The following LIX1 variants were observed in gnomAD, a reference collection of about 807,000 sequenced individuals.
The protein encoded by LIX1 is limb and CNS expressed 1, also known as protein limb expression 1 homolog.
Under a neutral mutation model 33.4 loss-of-function variants are expected in LIX1, and 24 were observed. The ratio of observed to expected loss-of-function variants is 0.72; its 90% CI spans 0.52 to 1.01. The LOEUF (loss-of-function observed/expected upper bound fraction) is 1.01. Ranked by LOEUF, LIX1 falls within the 50% of genes least tolerant of loss-of-function variation. The pLI, the probability that LIX1 is intolerant of heterozygous loss-of-function variation, is 0.00. For missense variants in LIX1, 311 were observed against 339.2 expected (o/e 0.92, Z 0.65); for synonymous variants, 124 against 124.0 (o/e 1.00, Z 0.00).
intron 2 of LIX1, among the ~76,000 whole-genome samples, chr5:97,110,230 A>G (rs889277098): frequency 2.6e-5 from 4 of 152,230 alleles, no homozygotes; most frequent in Admixed American, 6.5e-5. Context: ...ATGCTTGTAC[A>G]TGGTGAGTGT....
chr5:97,108,832 C>T (rs751433197), intron 2 of LIX1, among the ~76,000 whole-genome samples: 1 of 152,132 alleles, frequency 6.6e-6, no homozygotes, highest in Non-Finnish European at 1.5e-5. Flanking sequence ...ACCCAAAATG[C>T]ATGATTCTCA....
In LIX1 at chr5:97,119,867, A is replaced by AAAAAC. The variant is rs535641632; in HGVS notation, c.246+4594_246+4598dup. ...TTCTCCGGGTAGCAAAAACAAAAAC[A>AAAAAC]AAAACAATAACACTAGAATTTCTTA... On this transcript the variant is annotated intron_variant, in intron 2 of 5. Coordinates refer to ENST00000274382, the MANE Select transcript of LIX1 (RefSeq NM_153234.5). Among the ~76,000 whole-genome samples, 283 of 152,266 alleles carry AAAAAC rather than the reference A, an allele frequency of 1.9e-3. 13 individuals are homozygous for AAAAAC. The South Asian group carries it at 0.056, about 30-fold the overall frequency.
chr5:97,103,971 GAAAA>G (rs36039071), intron 4 of LIX1, among the ~76,000 whole-genome samples: 1 of 107,448 alleles, frequency 9.3e-6, no homozygotes, highest in African/African-American at 3.0e-5. Flanking sequence ...TCTCAAAAAA[GAAAA>G]AAAAAAAAAA....
intron 2 of LIX1, among the ~76,000 whole-genome samples, chr5:97,121,645 T>C (rs1009525005): frequency 6.6e-6 from 1 of 152,204 alleles, no homozygotes; most frequent in Non-Finnish European, 1.5e-5. Flanking sequence ...TAGAGAGAAA[T>C]ATCCTTTCAA....
intron 2 of LIX1, among the ~76,000 whole-genome samples, chr5:97,115,301 GT>G (rs1281900118): frequency 1.3e-5 from 2 of 152,102 alleles, no homozygotes; most frequent in South Asian, 2.1e-4. Context: ...TAAGAAATTA[GT>G]TTTTTTATTA....
At chr5:97,123,065 C>T (rs1172403282) in intron 2 of LIX1, among the ~76,000 whole-genome samples, 3 of 152,180 alleles carry the variant, frequency 2.0e-5, no homozygotes, top group Non-Finnish European at 4.4e-5. Flanking sequence ...ATCCCCTCTT[C>T]TGGTTCTTTG....
intron 1 of LIX1, among the ~76,000 whole-genome samples, chr5:97,133,353 C>T (rs943986459): frequency 6.6e-6 from 1 of 152,222 alleles, no homozygotes; most frequent in African/African-American, 2.4e-5. Context: ...GTGTCTACAT[C>T]ACAGGGGTGC....
Position 97,092,693 on chromosome 5 carries a change from T to C in LIX1, c.*2055A>G, listed in dbSNP as rs571151746. ...TTAACTTGTAGGGCACAAAGTAAAT[T>C]TGATATTGTCCCATCTGATCCCTGT... is the stretch of plus-strand genomic sequence containing the variant. On this transcript the variant is annotated 3_prime_UTR_variant, in exon 6 of 6. Transcript: ENST00000274382. 1.3e-5 allele frequency: 2 copies of C among 152,452 alleles called. No individual in the cohort carries two copies. The highest frequency in any genetic ancestry group is 4.8e-5 in the African/African-American group (2 of 41,558). The allele number at this position is 152,452 out of a possible 1,614,324, so 9.4% of individuals were successfully genotyped here.
At chr5:97,095,340 C>G (rs374391121) in intron 5 of LIX1, among the ~76,000 whole-genome samples, 1 of 152,304 alleles carries the variant, frequency 6.6e-6, no homozygotes. Context: ...AAATACATTC[C>G]TACAACAATT....
intron 2 of LIX1, among the ~76,000 whole-genome samples, chr5:97,116,852 T>G (rs1185627629): frequency 1.3e-5 from 2 of 152,154 alleles, no homozygotes; most frequent in Admixed American, 1.3e-4. Flanking sequence ...AGCAACTCAC[T>G]GAGCTGGTGA....
At chr5:97,095,707 T>G (rs1746339554) in intron 5 of LIX1, among the ~76,000 whole-genome samples, 1 of 152,256 alleles carries the variant, frequency 6.6e-6, no homozygotes, top group South Asian at 2.1e-4. Context: ...AGTTACTGCC[T>G]GTCAATTCTT....
At chr5:97,103,400 C>T (rs1215976055) in intron 4 of LIX1, among the ~76,000 whole-genome samples, 1 of 152,200 alleles carries the variant, frequency 6.6e-6, no homozygotes, top group African/African-American at 2.4e-5. Context: ...ATGCACTCTT[C>T]TGGACTCTAC....
At chr5:97,132,911 A>G (rs554025100) in intron 1 of LIX1, among the ~76,000 whole-genome samples, 5 of 152,334 alleles carry the variant, frequency 3.3e-5, no homozygotes, top group African/African-American at 1.2e-4. Flanking sequence ...GCCTGGAAGG[A>G]GATGAAGCCC....
intron 2 of LIX1, among the ~76,000 whole-genome samples, chr5:97,121,591 T>C (rs1404291814): frequency 1.3e-5 from 2 of 152,212 alleles, no homozygotes; most frequent in African/African-American, 4.8e-5. Flanking sequence ...GGCCATCATA[T>C]TTCATTTTCT....
chr5:97,113,158 A>G (rs944143678), intron 2 of LIX1, among the ~76,000 whole-genome samples: 1 of 152,214 alleles, frequency 6.6e-6, no homozygotes, highest in African/African-American at 2.4e-5. Flanking sequence ...GCAGATAACT[A>G]AAGCCTTCTG....
In LIX1 at chr5:97,105,221, G is replaced by C; in HGVS notation, c.452C>G (p.Ser151Ter). Residue 151 changes from serine (S) to a stop codon, truncating the protein, a stop_gained, in exon 4 of 6, where the codon TCA becomes TGA. Transcript: ENST00000274382. LOFTEE classifies it high-confidence loss of function. Reference protein sequence around the residue: ...SVGAYHYMLESNMGKTMLEFQ... With the variant: ...SVGAYHYMLE ...CTCCAGCATAGTCTTCCCCATGTTT[G>C]ACTCCAGCATGTAGTGATAGGCCCC... 2 of 1,614,094 alleles carry C rather than the reference G, an allele frequency of 1.2e-6. No individual in the cohort carries two copies. The highest frequency in any genetic ancestry group is 8.5e-7 in the Non-Finnish European group (1 of 1,179,990).
rs554138155 is a variant in LIX1, at chr5:97,092,516, A to G, written c.*2232T>C. 5 of 152,388 alleles carry G rather than the reference A, an allele frequency of 3.3e-5. No individual in the cohort carries two copies. The highest frequency in any genetic ancestry group is 5.9e-5 in the Non-Finnish European group (4 of 68,040). The allele number at this position is 152,388 out of a possible 1,614,324, so 9.4% of individuals were successfully genotyped here. A position where few individuals can be genotyped will look rare whatever the true frequency, so the allele number is the denominator to read the frequency against. ...GAAATTGATTTACTATCAAATCAGCATTAAAGGGACCAGCAAAGATTCTGA... is the reference window on the plus strand; with the variant it reads ...GAAATTGATTTACTATCAAATCAGCGTTAAAGGGACCAGCAAAGATTCTGA... On this transcript the variant is annotated 3_prime_UTR_variant, in exon 6 of 6. Transcript: ENST00000274382.
At chr5:97,105,350 A>C in intron 3 of LIX1, 65 bp from the exon 4 acceptor site, 6 of 1,366,728 alleles carry the variant, frequency 4.4e-6, no homozygotes, top group South Asian at 1.2e-5. Flanking sequence ...AATGGTCACA[A>C]ATTAATTCTG....
intron 2 of LIX1, among the ~76,000 whole-genome samples, chr5:97,111,473 G>A (rs1054311046): frequency 2.0e-5 from 3 of 151,982 alleles, no homozygotes; most frequent in Admixed American, 6.6e-5. Context: ...CTGAGCGTAG[G>A]GTATGTTTAT....
Sources: gnomAD v4.1 joint callset for allele counts (sites outside exome capture counted in the v4.1 genomes callset) on GRCh38, gnomAD v4.1.1 for gene constraint, MANE v1.5 for transcripts, NCBI Gene and HGNC (gene_info 2026-07-23, HGNC 2026-07-21) for gene names.